SNTB1: variants seen among roughly 807,000 people sequenced by gnomAD.
The protein encoded by SNTB1 is syntrophin beta 1, also known as beta-1-syntrophin.
Under a neutral mutation model 48.9 loss-of-function variants are expected in SNTB1, and 36 were observed. The observed-to-expected ratio is 0.74, with a 90% CI of 0.56 to 0.97. The LOEUF is 0.97. Among genes scored for constraint, SNTB1 ranks in the 50% least tolerant of loss-of-function variants. The pLI is 0.00. For synonymous variants in SNTB1, 299 were observed against 294.6 expected (o/e 1.01, Z -0.15); for missense variants, 786 against 703.4 (o/e 1.12, Z -1.33).
intron 2 of SNTB1, among the ~76,000 whole-genome samples, chr8:120,633,949 G>A (rs891027335): frequency 6.6e-6 from 1 of 152,106 alleles, no homozygotes; most frequent in Non-Finnish European, 1.5e-5. Context: ...TTTTTCACGT[G>A]TAGATTTGTA....
chr8:120,623,441 A>G (rs1041225961), intron 3 of SNTB1, among the ~76,000 whole-genome samples: 7 of 152,182 alleles, frequency 4.6e-5, no homozygotes, highest in African/African-American at 1.7e-4. Flanking sequence ...CTGTGAAATT[A>G]TTCAAAGAAT....
chr8:120,678,455 C>T (rs1817876584), intron 2 of SNTB1, among the ~76,000 whole-genome samples: 2 of 152,200 alleles, frequency 1.3e-5, no homozygotes, highest in South Asian at 4.1e-4. Flanking sequence ...TGTTCTCTCC[C>T]TGATACATGG....
intron 2 of SNTB1, among the ~76,000 whole-genome samples, chr8:120,672,190 G>A (rs1370023318): frequency 6.6e-6 from 1 of 152,146 alleles, no homozygotes; most frequent in African/African-American, 2.4e-5. Flanking sequence ...ACGTTCAGTA[G>A]GGTAGGTGTA....
chr8:120,566,089 C>T (rs1227647560), intron 4 of SNTB1, among the ~76,000 whole-genome samples: 4 of 151,990 alleles, frequency 2.6e-5, no homozygotes, highest in East Asian at 1.9e-4. Context: ...CAAAATTAGC[C>T]GGTGTCTCTA....
At chr8:120,680,226 T>G (rs1381464680) in intron 2 of SNTB1, among the ~76,000 whole-genome samples, 4 of 152,212 alleles carry the variant, frequency 2.6e-5, no homozygotes, top group Non-Finnish European at 5.9e-5. Context: ...TCTATGATAT[T>G]GTTTGCTTAA....
chr8:120,577,519 A>G (rs1219693689), intron 3 of SNTB1, among the ~76,000 whole-genome samples: 1 of 152,004 alleles, frequency 6.6e-6, no homozygotes, highest in Non-Finnish European at 1.5e-5. Flanking sequence ...TTCAGAATAA[A>G]TTTTTTCCAA....
intron 2 of SNTB1, among the ~76,000 whole-genome samples, chr8:120,634,083 C>G (rs1817028177): frequency 6.6e-6 from 1 of 152,108 alleles, no homozygotes; most frequent in Non-Finnish European, 1.5e-5. Context: ...TCCCAAATCC[C>G]TAGGCAACAA....
At chr8:120,668,064 G>A (rs967780108) in intron 2 of SNTB1, among the ~76,000 whole-genome samples, 1 of 152,180 alleles carries the variant, frequency 6.6e-6, no homozygotes, top group African/African-American at 2.4e-5. Flanking sequence ...AATGCTAGAG[G>A]ACCCTTTTCA....
intron 1 of SNTB1, among the ~76,000 whole-genome samples, chr8:120,709,663 A>G (rs944316071): frequency 1.3e-5 from 2 of 152,148 alleles, no homozygotes; most frequent in Non-Finnish European, 2.9e-5. Context: ...CTAAGACCCT[A>G]CAGCCTCAAA....
At chr8:120,548,325 T>G (rs1586988655) in intron 5 of SNTB1, among the ~76,000 whole-genome samples, 1 of 152,322 alleles carries the variant, frequency 6.6e-6, no homozygotes, top group African/African-American at 2.4e-5. Context: ...CATTTCTTTA[T>G]AGCAGGCCTA....
chr8:120,707,906 A>T (rs1336000181), intron 1 of SNTB1, among the ~76,000 whole-genome samples: 2 of 152,166 alleles, frequency 1.3e-5, no homozygotes, highest in Non-Finnish European at 2.9e-5. Context: ...AAAGGGGACT[A>T]AATTAATAAA....
At chr8:120,675,777 C>T (rs1817823919) in intron 2 of SNTB1, among the ~76,000 whole-genome samples, 1 of 152,112 alleles carries the variant, frequency 6.6e-6, no homozygotes, top group South Asian at 2.1e-4. Flanking sequence ...CTATCTTTGC[C>T]ACAATTCCCC....
chr8:120,632,013 T>C (rs569793021), intron 3 of SNTB1, among the ~76,000 whole-genome samples: 2 of 152,302 alleles, frequency 1.3e-5, no homozygotes, highest in Admixed American at 6.5e-5. Context: ...TATTTGTAAA[T>C]GTATAATTGA....
At chr8:120,645,565 A>T in intron 2 of SNTB1, among the ~76,000 whole-genome samples, 1 of 147,678 alleles carries the variant, frequency 6.8e-6, no homozygotes, top group East Asian at 2.0e-4. Flanking sequence ...TGGTTACTGT[A>T]GCCTTGTAGT....
intron 2 of SNTB1, among the ~76,000 whole-genome samples, chr8:120,689,101 T>C (rs1818082366): frequency 6.6e-6 from 1 of 152,232 alleles, no homozygotes; most frequent in African/African-American, 2.4e-5. Flanking sequence ...CATATTCTTG[T>C]GGATTCAATG....
intron 6 of SNTB1, among the ~76,000 whole-genome samples, chr8:120,539,641 C>T (rs1249881690): frequency 6.6e-6 from 1 of 152,170 alleles, no homozygotes; most frequent in African/African-American, 2.4e-5. Flanking sequence ...CAGGAGAGTC[C>T]TTCAGAAGTT....
intron 2 of SNTB1, among the ~76,000 whole-genome samples, chr8:120,679,859 A>ATTTT (rs33973623): frequency 2.6e-4 from 39 of 149,812 alleles, no homozygotes; most frequent in Middle Eastern, 3.4e-3. Flanking sequence ...CTCTTGAGAT[A>ATTTT]TTTTTTTTTT....
At chr8:120,739,432 A>T (rs964444962) in intron 1 of SNTB1, among the ~76,000 whole-genome samples, 15 of 152,216 alleles carry the variant, frequency 9.9e-5, no homozygotes, top group Non-Finnish European at 2.1e-4. Flanking sequence ...AAACACAAAG[A>T]GGTGTTTTTG....
chr8:120,685,123 G>T (rs1314687586), intron 2 of SNTB1, among the ~76,000 whole-genome samples: 1 of 152,214 alleles, frequency 6.6e-6, no homozygotes, highest in Non-Finnish European at 1.5e-5. Context: ...TTGCATGCCT[G>T]CAACTCTCCC....
Sources: gnomAD v4.1 joint callset for allele counts (sites outside exome capture counted in the v4.1 genomes callset) on GRCh38, gnomAD v4.1.1 for gene constraint, MANE v1.5 for transcripts, NCBI Gene and HGNC (gene_info 2026-07-23, HGNC 2026-07-21) for gene names.